SPATS2: variants seen among roughly 807,000 people sequenced by gnomAD.
The protein encoded by SPATS2 is spermatogenesis associated serine rich 2, also known as spermatogenesis-associated serine-rich protein 2.
SPATS2 carries 38 observed loss-of-function variants against 63.7 expected under a neutral mutation model. The observed-to-expected ratio is 0.60, with a 90% CI of 0.46 to 0.78. SPATS2 has a LOEUF of 0.78. Among genes scored for constraint, SPATS2 ranks in the 30% least tolerant of loss-of-function variants. The pLI is 0.00. For missense variants in SPATS2, 588 were observed against 666.2 expected (o/e 0.88, Z 1.29); for synonymous variants, 207 against 232.9 (o/e 0.89, Z 1.01).
chr12:49,429,352 TTTAGA>T (rs1945138566), intron 2 of SPATS2, among the ~76,000 whole-genome samples: 2 of 152,180 alleles, frequency 1.3e-5, no homozygotes, highest in East Asian at 1.9e-4. Context: ...TGGGAGAGTT[TTTAGA>T]TTAAAGTAGA....
At chr12:49,495,279 C>T (rs1946446680) in intron 7 of SPATS2, among the ~76,000 whole-genome samples, 1 of 152,058 alleles carries the variant, frequency 6.6e-6, no homozygotes, top group Admixed American at 6.6e-5. Flanking sequence ...CTGCAAGCTC[C>T]ACCTCCTGGG....
At chr12:49,468,842 G>T (rs1311051148) in intron 3 of SPATS2, among the ~76,000 whole-genome samples, 2 of 151,948 alleles carry the variant, frequency 1.3e-5, no homozygotes, top group African/African-American at 4.8e-5. Flanking sequence ...GTGGTAATGT[G>T]GTATAATTAT....
At chr12:49,439,654 A>G (rs1250258163) in intron 2 of SPATS2, among the ~76,000 whole-genome samples, 1 of 152,200 alleles carries the variant, frequency 6.6e-6, no homozygotes, top group Non-Finnish European at 1.5e-5. Flanking sequence ...GACTTGGGAA[A>G]GTGTATGCTT....
intron 10 of SPATS2, 136 bp downstream of exon 10, chr12:49,514,749 C>T: frequency 1.4e-6 from 1 of 701,640 alleles, no homozygotes; most frequent in South Asian, 2.1e-5. Flanking sequence ...AGCAGTTGCA[C>T]TGTACTGGCA....
At chr12:49,519,648 G>A (rs1017950082) in intron 11 of SPATS2, among the ~76,000 whole-genome samples, 11 of 136,992 alleles carry the variant, frequency 8.0e-5, no homozygotes, top group African/African-American at 2.4e-4. Flanking sequence ...TCCTTAATCC[G>A]GTCTGAAGGA....
intron 9 of SPATS2, among the ~76,000 whole-genome samples, chr12:49,502,199 A>G (rs1946577742): frequency 6.6e-6 from 1 of 152,150 alleles, no homozygotes; most frequent in Non-Finnish European, 1.5e-5. Flanking sequence ...TCTGTTCACA[A>G]ATTTAGTCTA....
chr12:49,523,102 A>G (rs549882082), intron 12 of SPATS2, among the ~76,000 whole-genome samples: 3 of 152,302 alleles, frequency 2.0e-5, no homozygotes, highest in South Asian at 4.2e-4. Flanking sequence ...GATATGTGGT[A>G]TAAAGAGCAT....
At chr12:49,382,401 T>A (rs1423588842) in intron 2 of SPATS2, among the ~76,000 whole-genome samples, 1 of 152,254 alleles carries the variant, frequency 6.6e-6, no homozygotes, top group African/African-American at 2.4e-5. Context: ...CTCTTTTTTA[T>A]CCTTCCAAAG....
chr12:49,403,776 G>A (rs11834236), intron 2 of SPATS2, among the ~76,000 whole-genome samples: 1 of 152,028 alleles, frequency 6.6e-6, no homozygotes, highest in African/African-American at 2.4e-5. Context: ...GGAATTTGGG[G>A]CCTCAGCTCA....
intron 2 of SPATS2, among the ~76,000 whole-genome samples, chr12:49,459,678 GTTC>G (rs529578494): frequency 3.4e-4 from 48 of 139,982 alleles, no homozygotes; most frequent in Non-Finnish European, 5.9e-4. Flanking sequence ...CACGTTTGCT[GTTC>G]TTCGTGCCTC....
At chr12:49,399,155 C>CT (rs148455902) in intron 2 of SPATS2, among the ~76,000 whole-genome samples, 3,382 of 148,726 alleles carry the variant, frequency 0.023, 116 homozygotes, top group African/African-American at 0.078. Context: ...GCATATAATT[C>CT]TTTTTTTTTT....
chr12:49,508,018 G>A (rs12305716), intron 9 of SPATS2, among the ~76,000 whole-genome samples: 32,940 of 152,068 alleles, frequency 0.22, 5,769 homozygotes, highest in African/African-American at 0.49. Flanking sequence ...GTGGTATTAC[G>A]TTCATGTTAT....
chr12:49,410,365 C>A (rs557566795), intron 2 of SPATS2, among the ~76,000 whole-genome samples: 1 of 152,086 alleles, frequency 6.6e-6, no homozygotes, highest in African/African-American at 2.4e-5. Context: ...TGTGAGCCAC[C>A]GTGCCCAGCC....
intron 3 of SPATS2, among the ~76,000 whole-genome samples, chr12:49,483,415 C>T (rs1443249124): frequency 6.6e-6 from 1 of 151,938 alleles, no homozygotes; most frequent in Non-Finnish European, 1.5e-5. Flanking sequence ...TAGACTGTGT[C>T]TCTTTTCAAT....
At chr12:49,376,259 G>A (rs994183886) in intron 2 of SPATS2, among the ~76,000 whole-genome samples, 3 of 151,454 alleles carry the variant, frequency 2.0e-5, no homozygotes, top group Non-Finnish European at 2.9e-5. Context: ...CCGCCACCAC[G>A]CCCAGCTAAT....
intron 10 of SPATS2, among the ~76,000 whole-genome samples, chr12:49,518,125 T>A (rs1001371301): frequency 6.6e-6 from 1 of 152,220 alleles, no homozygotes; most frequent in Non-Finnish European, 1.5e-5. Flanking sequence ...AAATGCCCCC[T>A]TCTCCCATAT....
At chr12:49,389,963 A>T in intron 2 of SPATS2, 1 of 813,256 alleles carries the variant, frequency 1.2e-6, no homozygotes. Flanking sequence ...GCAGTAATGA[A>T]GAAAGCCATT....
intron 2 of SPATS2, among the ~76,000 whole-genome samples, chr12:49,448,909 A>G (rs1945565995): frequency 6.6e-6 from 1 of 152,178 alleles, no homozygotes; most frequent in Non-Finnish European, 1.5e-5. Context: ...ATAAAGGGCC[A>G]TATAATAAAT....
intron 2 of SPATS2, among the ~76,000 whole-genome samples, chr12:49,414,935 CTTTTCTTTT>C (rs1944861056): frequency 1.5e-5 from 2 of 135,918 alleles, no homozygotes; most frequent in African/African-American, 5.8e-5. Flanking sequence ...TTTTCTTTTT[CTTTTCTTTT>C]TTTTTTTTTT....
Sources: gnomAD v4.1 joint callset for allele counts (sites outside exome capture counted in the v4.1 genomes callset) on GRCh38, gnomAD v4.1.1 for gene constraint, MANE v1.5 for transcripts, NCBI Gene and HGNC (gene_info 2026-07-23, HGNC 2026-07-21) for gene names.